MYCBP2: variants seen among roughly 807,000 people sequenced by gnomAD.
MYCBP2 encodes MYC binding protein 2, also known as E3 ubiquitin-protein ligase MYCBP2.
Under a neutral mutation model 525.3 loss-of-function variants are expected in MYCBP2, and 120 were observed. The observed-to-expected ratio is 0.23, with a 90% CI of 0.20 to 0.27. The LOEUF (loss-of-function observed/expected upper bound fraction) is 0.27. Among genes scored for constraint, MYCBP2 ranks in the 10% least tolerant of loss-of-function variants. The pLI is 1.00. For missense variants in MYCBP2, 4,149 were observed against 5,657.1 expected, an observed-to-expected ratio of 0.73 and a Z score of 8.55; for synonymous variants, 1,894 against 1,955.8, an observed-to-expected ratio of 0.97 and a Z score of 0.83.
chr13:77,213,493 A>T (rs2064336705), intron 21 of MYCBP2, among the ~76,000 whole-genome samples: 1 of 152,162 alleles, frequency 6.6e-6, no homozygotes, highest in South Asian at 2.1e-4. Context: ...GAAAAAAAAA[A>T]GTAAATAGTG....
chr13:77,081,400 A>G lies in MYCBP2; in HGVS notation c.11418+27T>C. 6.3e-7 allele frequency: 1 copy of G among 1,584,300 alleles called. No individual in the cohort carries two copies. The highest frequency in any genetic ancestry group is 8.6e-7 in the Non-Finnish European group (1 of 1,156,546). On this transcript the variant is annotated intron_variant, in intron 65 of 82. Transcript: ENST00000544440. This position sits in a 1 kb window ranked among gnomAD's most constrained non-coding sequence, Gnocchi z 4.6. ...TACTAAGATCTGAAAAGAGCTAAAG[A>G]GCCGTAAATCACGTTTGCTTTCTTA... is the stretch of plus-strand genomic sequence containing the variant.
chr13:77,144,673 C>T (rs995309232), intron 48 of MYCBP2, 113 bp from the exon 49 acceptor site: 4 of 745,240 alleles, frequency 5.4e-6, no homozygotes, highest in Admixed American at 3.8e-5. Flanking sequence ...GCAATCCTAC[C>T]ACCCTGCCAT....
At chr13:77,163,704 G>T (rs543861212) in intron 43 of MYCBP2, among the ~76,000 whole-genome samples, 1 of 152,016 alleles carries the variant, frequency 6.6e-6, no homozygotes, top group Non-Finnish European at 1.5e-5. Flanking sequence ...CAAATGGACC[G>T]CCCTTCCTTA....
chr13:77,212,513 G>A (rs193174613), intron 21 of MYCBP2, among the ~76,000 whole-genome samples: 22 of 152,168 alleles, frequency 1.4e-4, no homozygotes, highest in African/African-American at 4.6e-4. Flanking sequence ...ATTCCAAATT[G>A]TTCATTTAAA....
At chr13:77,214,433 G>A (rs2064497286) in intron 21 of MYCBP2, among the ~76,000 whole-genome samples, 1 of 150,200 alleles carries the variant, frequency 6.7e-6, no homozygotes, top group East Asian at 1.9e-4. Context: ...TACACACAAT[G>A]GGGTATTACA....
intron 66 of MYCBP2, 47 bp from the exon 67 acceptor site, chr13:77,077,434 T>C (rs1451527521): frequency 3.7e-6 from 6 of 1,607,086 alleles, no homozygotes; most frequent in Admixed American, 3.4e-5. Flanking sequence ...CTGGATCACT[T>C]TTATCACTGT....
rs142388586 is a variant in MYCBP2 at position 77,174,028 on chromosome 13, G to A, written c.5651+283C>T. Among the ~76,000 whole-genome samples the A allele has an allele frequency of 5.8e-3, 878 of 152,276 alleles. 3 individuals carry two copies. The highest frequency in any genetic ancestry group is 9.1e-3 in the Non-Finnish European group (616 of 68,018). On this transcript the variant is annotated intron_variant, in intron 37 of 82. Coordinates refer to ENST00000544440, the MANE Select transcript of MYCBP2 (RefSeq NM_015057.5). ...CCTTTAAATTTGAAATTGCAGACCA[G>A]AAATTATAGAGTGACAGCAACAGCA... is the stretch of plus-strand genomic sequence containing the variant.
intron 58 of MYCBP2, 51 bp downstream of exon 58, chr13:77,095,307 A>G: frequency 6.3e-7 from 1 of 1,599,520 alleles, no homozygotes; most frequent in Non-Finnish European, 8.5e-7. Flanking sequence ...ATCAATAAAC[A>G]ATCGCTGTTA....
Position 77,140,864 on chromosome 13 carries a change from A to G in MYCBP2, c.7383T>C (p.Ser2461=), listed in dbSNP as rs760541085. Residue 2461 remains serine, a synonymous_variant, in exon 50 of 83, where the codon TCT becomes TCC. Coordinates refer to ENST00000544440, the MANE Select transcript of MYCBP2 (RefSeq NM_015057.5). ...CCCTAACCTTATTAGGCTGAGGTTC[A>G]GACTTTGGTTTGACCAACTGAGTTC... ...PPGTQLVKPK[S]EPQPNKVRKF... 1 of 1,612,072 alleles carries G rather than the reference A, an allele frequency of 6.2e-7. No individual in the cohort carries two copies. Among genetic ancestry groups the G allele is most frequent in the East Asian group, 2.2e-5 (1 of 44,742 alleles).
intron 55 of MYCBP2, among the ~76,000 whole-genome samples, chr13:77,101,649 G>C (rs1398661913): frequency 6.6e-6 from 1 of 151,948 alleles, no homozygotes; most frequent in Admixed American, 6.6e-5. Context: ...AATACCTGTT[G>C]AAGTTTAGGC....
intron 61 of MYCBP2, among the ~76,000 whole-genome samples, chr13:77,088,296 T>C (rs56823359): frequency 6.6e-6 from 1 of 152,290 alleles, no homozygotes; most frequent in African/African-American, 2.4e-5. Context: ...ACACAAAGTG[T>C]ATCTCAAGCT....
At chr13:77,307,184 CAA>C (rs776849579) in intron 1 of MYCBP2, among the ~76,000 whole-genome samples, 8 of 152,072 alleles carry the variant, frequency 5.3e-5, no homozygotes, top group Non-Finnish European at 1.2e-4. Context: ...TCCCCCATCC[CAA>C]AAGAGACAGC....
intron 69 of MYCBP2, among the ~76,000 whole-genome samples, chr13:77,069,265 T>G (rs1371635822): frequency 6.6e-6 from 1 of 152,204 alleles, no homozygotes; most frequent in African/African-American, 2.4e-5. Flanking sequence ...AATGAAACAC[T>G]GCTAGAAAGA....
At chr13:77,196,041 C>T (rs1200678460) in intron 26 of MYCBP2, among the ~76,000 whole-genome samples, 4 of 152,152 alleles carry the variant, frequency 2.6e-5, no homozygotes, top group African/African-American at 9.7e-5. Flanking sequence ...GGGAGTAAGT[C>T]TATGGTTGGG....
intron 48 of MYCBP2, 72 bp from the exon 49 acceptor site, chr13:77,144,632 G>C (rs1255662220): frequency 2.0e-6 from 2 of 996,886 alleles, no homozygotes; most frequent in African/African-American, 3.2e-5. Context: ...CGATAGTTCA[G>C]CAAACATTTA....
Position 77,246,228 on chromosome 13 carries a change from C to T in MYCBP2, c.2382-2277G>A, listed in dbSNP as rs192756254. On this transcript the variant is annotated intron_variant, in intron 15 of 82. Transcript: ENST00000544440. ...GCAGTTTAAAAGACATAGCTAGACA[C>T]CCTGTGAAATGTGTCACTTTTAAAA... Among the ~76,000 whole-genome samples the T allele has an allele frequency of 4.7e-3, 709 of 152,232 alleles. 3 individuals are homozygous for T. Among genetic ancestry groups the T allele is most frequent in the African/African-American group, 0.015 (620 of 41,554 alleles).
chr13:77,075,916 T>C (rs1238077200), intron 68 of MYCBP2: 8 of 152,168 alleles, frequency 5.3e-5, no homozygotes, highest in South Asian at 2.1e-4. Context: ...AGGACAATGA[T>C]TAGATACTAC....
chr13:77,103,662 T>C (rs980999280), intron 55 of MYCBP2, among the ~76,000 whole-genome samples: 10 of 151,936 alleles, frequency 6.6e-5, no homozygotes, highest in Admixed American at 3.3e-4. Context: ...ATTTACAAGT[T>C]TTTTTTTAAT....
At chr13:77,238,786 C>T (rs2068363580) in intron 17 of MYCBP2, among the ~76,000 whole-genome samples, 1 of 152,146 alleles carries the variant, frequency 6.6e-6, no homozygotes, top group African/African-American at 2.4e-5. Context: ...AAAACAGTAA[C>T]TAAATTACGT....
Sources: gnomAD v4.1 joint callset for allele counts (sites outside exome capture counted in the v4.1 genomes callset) on GRCh38, gnomAD v4.1.1 for gene constraint, Gnocchi (gnomAD v3.1) non-coding constraint, MANE v1.5 for transcripts, NCBI Gene and HGNC (gene_info 2026-07-23, HGNC 2026-07-21) for gene names.